BCL11A: variants seen among roughly 807,000 people sequenced by gnomAD.
BCL11A encodes B cell CLL/lymphoma 11A.
BCL11A carries 2 observed loss-of-function variants against 55.9 expected under a neutral mutation model. The observed-to-expected ratio is 0.04, with a 90% CI of 0.01 to 0.11. The LOEUF is 0.11. Ranked by LOEUF, BCL11A falls within the 10% of genes least tolerant of loss-of-function variation. BCL11A has a pLI of 1.00. For missense variants in BCL11A, 817 were observed against 1,137.1 expected (o/e 0.72, Z 4.05); for synonymous variants, 465 against 473.4 (o/e 0.98, Z 0.23).
intron 2 of BCL11A, among the ~76,000 whole-genome samples, chr2:60,489,894 T>C (rs1678523447): frequency 6.6e-6 from 1 of 152,184 alleles, no homozygotes; most frequent in Non-Finnish European, 1.5e-5. Context: ...TTTTGTCACA[T>C]ATCATCAAAA....
chr2:60,552,939 A>G (rs1402609428), intron 1 of BCL11A, among the ~76,000 whole-genome samples: 1 of 151,924 alleles, frequency 6.6e-6, no homozygotes, highest in African/African-American at 2.4e-5. Context: ...AGAGAAATAA[A>G]GCGGCGGAAA....
chr2:60,538,735 C>CTGTGTGTG (rs756885542), intron 2 of BCL11A, among the ~76,000 whole-genome samples: 2 of 69,260 alleles, frequency 2.9e-5, no homozygotes, highest in African/African-American at 9.0e-5. Context: ...CTCTCTCTCT[C>CTGTGTGTG]TCTCTGTGTG....
rs1676029064 is a variant in BCL11A, at chr2:60,458,037, T to C, written c.*2367A>G. The C allele has an allele frequency of 1.9e-6, 2 of 1,035,948 alleles. No individual in the cohort carries two copies. Among genetic ancestry groups the C allele is most frequent in the Non-Finnish European group, 2.3e-6 (2 of 860,474 alleles). The allele number at this position is 1,035,948 out of a possible 1,614,324, so 64.2% of individuals were successfully genotyped here. ...AAATATACTGTGGCAGCCTGTCTTT[T>C]TTTTTTCCACTACCAAAAAAGGTAC... On this transcript the variant is annotated 3_prime_UTR_variant, in exon 4 of 4. Transcript: ENST00000642384.
intron 2 of BCL11A, among the ~76,000 whole-genome samples, chr2:60,490,876 G>T (rs1051804187): frequency 7.2e-5 from 11 of 152,012 alleles, no homozygotes; most frequent in Admixed American, 3.9e-4. Context: ...TGTTCAAAAT[G>T]GTAATTTTAA....
intron 2 of BCL11A, chr2:60,536,164 C>A (rs1558500396): frequency 6.6e-6 from 1 of 152,220 alleles, no homozygotes; most frequent in Non-Finnish European, 1.5e-5. Flanking sequence ...CCCAAAAGCT[C>A]TCTGCTGTGG....
At position 60,460,555 on chromosome 2, in the gene BCL11A, G is replaced by T. The variant is rs200017588; in HGVS notation, c.2357C>A (p.Thr786Asn). 1 of 1,614,086 alleles carries T rather than the reference G, an allele frequency of 6.2e-7. No individual in the cohort carries two copies. Residue 786 changes from threonine to asparagine, a missense_variant, in exon 4 of 4, where the codon ACC (threonine) becomes AAC (asparagine). Thr to Asn is a moderately conservative substitution (Grantham distance 65). This residue lies in a region of BCL11A where 30 missense variants were observed against 116.3 expected (regional missense o/e 0.26). Coordinates refer to ENST00000642384, the MANE Select transcript of BCL11A (RefSeq NM_022893.4). ...NYACAQSSKL[T>N]RHMKTHGQVG... ...CTGGCCATGCGTTTTCATGTGCCTG[G>T]TGAGCTTGCTACTCTGGGCACAGGC...
At chr2:60,466,330 A>G (rs1269727338) in intron 3 of BCL11A, among the ~76,000 whole-genome samples, 1 of 152,032 alleles carries the variant, frequency 6.6e-6, no homozygotes, top group Non-Finnish European at 1.5e-5. Context: ...CCTTCCCTCC[A>G]AAAGTGGCTC....
intron 2 of BCL11A, among the ~76,000 whole-genome samples, chr2:60,494,999 G>A (rs1399618313): frequency 2.0e-5 from 3 of 152,166 alleles, no homozygotes; most frequent in Non-Finnish European, 2.9e-5. Flanking sequence ...TGGACAGCCC[G>A]ACAGATGAAA....
intron 2 of BCL11A, among the ~76,000 whole-genome samples, chr2:60,480,874 T>C (rs45476599): frequency 0.015 from 2,329 of 152,186 alleles, 26 homozygotes; most frequent in Non-Finnish European, 0.023. Flanking sequence ...CCCATCTCTG[T>C]CCCAAGAGAA....
At chr2:60,478,993 GC>G (rs2104137866) in intron 2 of BCL11A, among the ~76,000 whole-genome samples, 1 of 151,360 alleles carries the variant, frequency 6.6e-6, no homozygotes, top group East Asian at 1.9e-4. Context: ...CTCCTCCCTG[GC>G]TTTTTACCCA....
At chr2:60,514,617 G>A (rs1225410649) in intron 2 of BCL11A, among the ~76,000 whole-genome samples, 2 of 150,846 alleles carry the variant, frequency 1.3e-5, no homozygotes, top group South Asian at 2.1e-4. Context: ...GCAATGAGCC[G>A]AGATCGTAGC....
chr2:60,546,468 G>C lies in BCL11A; in HGVS notation c.56-168C>G, dbSNP rs1298347759. 2 of 640,810 alleles carry C rather than the reference G, an allele frequency of 3.1e-6. No homozygotes were observed. The highest frequency in any genetic ancestry group is 3.7e-5 in the African/African-American group (2 of 54,444). The allele number at this position is 640,810 out of a possible 1,614,324, so 39.7% of individuals were successfully genotyped here. A position where few individuals can be genotyped will look rare whatever the true frequency, so the allele number is the denominator to read the frequency against. ...CATACAAAAAGTACAAGGATGTGAA[G>C]GTTATCAACCAGAGAGCAAATTTGT... On this transcript the variant is annotated intron_variant, in intron 1 of 3. Coordinates refer to ENST00000642384, the MANE Select transcript of BCL11A (RefSeq NM_022893.4). This position sits in a 1 kb window ranked among gnomAD's most constrained non-coding sequence, Gnocchi z 4.1.
intron 1 of BCL11A, among the ~76,000 whole-genome samples, chr2:60,549,309 AC>A (rs1324095704): frequency 2.0e-5 from 3 of 152,182 alleles, no homozygotes; most frequent in African/African-American, 4.8e-5. Flanking sequence ...AGCGAGCAAA[AC>A]GAGAGCTGCC....
Position 60,546,516 on chromosome 2 carries a change from T to C in BCL11A, c.56-216A>G, listed in dbSNP as rs1670166955. ...TGTCAATGAGGCAAATCATCACATATGTAAAGAAAACAGTCTTCCTTGCAT... is the reference window on the plus strand; with the variant it reads ...TGTCAATGAGGCAAATCATCACATACGTAAAGAAAACAGTCTTCCTTGCAT... On this transcript the variant is annotated intron_variant, in intron 1 of 3. Coordinates refer to ENST00000642384, the MANE Select transcript of BCL11A (RefSeq NM_022893.4). This position sits in a 1 kb window ranked among gnomAD's most constrained non-coding sequence, Gnocchi z 4.1. 3.6e-6 allele frequency: 2 copies of C among 557,652 alleles called. No homozygotes were observed. Among genetic ancestry groups the C allele is most frequent in the Non-Finnish European group, 3.2e-6 (1 of 312,974 alleles). The allele number at this position is 557,652 out of a possible 1,614,324, so 34.5% of individuals were successfully genotyped here.
intron 2 of BCL11A, chr2:60,537,783 G>C (rs1669735545): frequency 6.6e-6 from 1 of 152,162 alleles, no homozygotes; most frequent in South Asian, 2.1e-4. Flanking sequence ...TTTTTAGAAA[G>C]TTCAAAAAGC....
chr2:60,499,321 T>G (rs1346034249), intron 2 of BCL11A, among the ~76,000 whole-genome samples: 1 of 152,124 alleles, frequency 6.6e-6, no homozygotes, highest in East Asian at 1.9e-4. Context: ...TGGGCCACAG[T>G]GCTGGAGGCT....
intron 2 of BCL11A, among the ~76,000 whole-genome samples, chr2:60,520,406 G>A (rs45444193): frequency 3.3e-5 from 5 of 152,112 alleles, no homozygotes; most frequent in Admixed American, 1.3e-4. Flanking sequence ...TAATCAGTGA[G>A]TATAAATTCT....
intron 2 of BCL11A, among the ~76,000 whole-genome samples, chr2:60,490,483 C>A (rs935272139): frequency 6.6e-6 from 1 of 152,220 alleles, no homozygotes; most frequent in African/African-American, 2.4e-5. Flanking sequence ...TCATTTCCTT[C>A]CTGGCTTTTC....
Position 60,460,739 on chromosome 2 carries a change from T to C in BCL11A, c.2173A>G (p.Ile725Val), listed in dbSNP as rs755252176. Residue 725 changes from isoleucine (I) to valine (V), a missense_variant, in exon 4 of 4, where the codon ATT (isoleucine) becomes GTT (valine). Physicochemically the swap from Ile to Val is conservative, Grantham distance 29. Coordinates refer to ENST00000642384, the MANE Select transcript of BCL11A (RefSeq NM_022893.4). ...GTGSGGSTPH[I>V]SGPGPGRPSS... The stretch of plus-strand genomic sequence containing the variant: ...GGCCTGCCCGGGCCCGGACCACTAA[T>C]ATGGGGCGTGCTCCCTCCACTTCCC... The C allele has an allele frequency of 8.0e-5, 129 of 1,613,990 alleles. No homozygotes were observed. The highest frequency in any genetic ancestry group is 1.1e-4 in the Non-Finnish European group (125 of 1,180,040).
Sources: allele counts gnomAD v4.1 joint callset (sites outside exome capture counted in the v4.1 genomes callset), GRCh38; gene constraint gnomAD v4.1.1; regional missense constraint gnomAD v4.1.1; non-coding constraint Gnocchi (gnomAD v3.1); transcripts MANE v1.5; gene names NCBI Gene and HGNC (gene_info 2026-07-23, HGNC 2026-07-21).